RUNX2: variants seen among roughly 807,000 people sequenced by gnomAD.
RUNX2 encodes the protein RUNX family transcription factor 2.
RUNX2 carries 10 observed loss-of-function variants against 51.7 expected under a neutral mutation model. That is an observed-to-expected ratio of 0.19 (90% CI 0.12 to 0.33). The LOEUF (loss-of-function observed/expected upper bound fraction) is 0.33, where lower values mean the gene tolerates loss of function less well. Ranked by LOEUF, RUNX2 falls within the 10% of genes least tolerant of loss-of-function variation. The pLI is 1.00. For synonymous variants in RUNX2, 276 were observed against 273.6 expected (o/e 1.01, Z -0.09); for missense variants, 562 against 691.3 (o/e 0.81, Z 2.10).
intron 6 of RUNX2, among the ~76,000 whole-genome samples, 161 bp from the exon 7 acceptor site, chr6:45,512,085 G>T (rs1278468429): frequency 6.6e-6 from 1 of 151,988 alleles, no homozygotes; most frequent in Admixed American, 6.6e-5. Flanking sequence ...AAAGGATGGG[G>T]TTATAAGAGA....
At chr6:45,522,630 C>T (rs561294807) in intron 7 of RUNX2, among the ~76,000 whole-genome samples, 1 of 152,358 alleles carries the variant, frequency 6.6e-6, no homozygotes, top group African/African-American at 2.4e-5. Flanking sequence ...GGGGCCTAGT[C>T]TTCTAATCCT....
At chr6:45,359,673 C>T (rs1793890666) in intron 2 of RUNX2, among the ~76,000 whole-genome samples, 1 of 152,096 alleles carries the variant, frequency 6.6e-6, no homozygotes, top group Admixed American at 6.6e-5. Flanking sequence ...AGTATACTTT[C>T]TTTTGGTTAC....
intron 2 of RUNX2, among the ~76,000 whole-genome samples, chr6:45,404,177 T>C (rs1218780357): frequency 2.0e-5 from 3 of 146,536 alleles, no homozygotes; most frequent in African/African-American, 7.6e-5. Flanking sequence ...GGTGAATTGC[T>C]TGGAACCAGG....
intron 2 of RUNX2, among the ~76,000 whole-genome samples, chr6:45,363,159 A>C (rs1794556742): frequency 6.6e-6 from 1 of 152,152 alleles, no homozygotes. Context: ...GCAAATACTC[A>C]ACTCTGGCAC....
intron 2 of RUNX2, among the ~76,000 whole-genome samples, chr6:45,389,634 G>C (rs751546354): frequency 1.3e-5 from 2 of 152,176 alleles, no homozygotes; most frequent in Non-Finnish European, 2.9e-5. Context: ...ATCCAAGACA[G>C]CAAGCCTTAA....
intron 7 of RUNX2, among the ~76,000 whole-genome samples, chr6:45,535,698 T>G (rs141593593): frequency 3.3e-5 from 5 of 151,980 alleles, no homozygotes; most frequent in East Asian, 1.9e-4. Flanking sequence ...AGCAGGAATA[T>G]ATGAAGAAGC....
At chr6:45,504,746 C>T (rs1800907442) in intron 6 of RUNX2, among the ~76,000 whole-genome samples, 1 of 152,150 alleles carries the variant, frequency 6.6e-6, no homozygotes, top group African/African-American at 2.4e-5. Flanking sequence ...GGCAAATCTG[C>T]TCCTCTGTGT....
chr6:45,409,759 T>C (rs1797911078), intron 2 of RUNX2, among the ~76,000 whole-genome samples: 1 of 152,228 alleles, frequency 6.6e-6, no homozygotes, highest in African/African-American at 2.4e-5. Context: ...TAGGTTTATT[T>C]ATTCAGTGAT....
chr6:45,472,860 G>A (rs1216362335), intron 5 of RUNX2, among the ~76,000 whole-genome samples: 1 of 152,166 alleles, frequency 6.6e-6, no homozygotes, highest in African/African-American at 2.4e-5. Flanking sequence ...GAGGAAAAGG[G>A]TATCTTTCTG....
At chr6:45,529,178 G>A (rs747040076) in intron 7 of RUNX2, among the ~76,000 whole-genome samples, 22 of 152,302 alleles carry the variant, frequency 1.4e-4, no homozygotes, top group Non-Finnish European at 2.4e-4. Context: ...ATGTAATGAA[G>A]TTCCATTTCT....
chr6:45,505,643 C>T (rs1400496668), intron 6 of RUNX2, among the ~76,000 whole-genome samples: 1 of 152,034 alleles, frequency 6.6e-6, no homozygotes, highest in Non-Finnish European at 1.5e-5. Flanking sequence ...CCATTTTTGC[C>T]TGATGAAAGG....
At chr6:45,338,876 C>T (rs1328335311) in intron 2 of RUNX2, among the ~76,000 whole-genome samples, 1 of 152,044 alleles carries the variant, frequency 6.6e-6, no homozygotes, top group Non-Finnish European at 1.5e-5. Context: ...AGACAGCCTC[C>T]TTAAATTTTG....
At chr6:45,508,623 C>T (rs1206886397) in intron 6 of RUNX2, among the ~76,000 whole-genome samples, 2 of 152,150 alleles carry the variant, frequency 1.3e-5, no homozygotes, top group African/African-American at 2.4e-5. Context: ...CTAGCCTATC[C>T]TCTGAGAGAC....
At chr6:45,365,676 A>T (rs1795012143) in intron 2 of RUNX2, among the ~76,000 whole-genome samples, 1 of 148,394 alleles carries the variant, frequency 6.7e-6, no homozygotes, top group Non-Finnish European at 1.5e-5. Context: ...GATGGACCCC[A>T]AGCACAACAC....
At chr6:45,461,463 A>G (rs1057422144) in intron 5 of RUNX2, among the ~76,000 whole-genome samples, 1 of 152,256 alleles carries the variant, frequency 6.6e-6, no homozygotes, top group African/African-American at 2.4e-5. Flanking sequence ...AAGTACTCGC[A>G]CAACCCCAGT....
At chr6:45,450,148 T>G (rs1456955832) in intron 5 of RUNX2, among the ~76,000 whole-genome samples, 6 of 152,156 alleles carry the variant, frequency 3.9e-5, no homozygotes, top group Non-Finnish European at 8.8e-5. Context: ...TGAGGATAAT[T>G]GCTGTAAGGA....
At chr6:45,494,530 G>A (rs1800582358) in intron 6 of RUNX2, among the ~76,000 whole-genome samples, 1 of 151,786 alleles carries the variant, frequency 6.6e-6, no homozygotes, top group Non-Finnish European at 1.5e-5. Flanking sequence ...ACATCCACTA[G>A]GTATTGGACC....
intron 2 of RUNX2, among the ~76,000 whole-genome samples, chr6:45,340,272 G>T (rs1415475467): frequency 6.6e-6 from 1 of 152,042 alleles, no homozygotes; most frequent in Non-Finnish European, 1.5e-5. Context: ...GAACCAAAGA[G>T]ATTAAGAAAA....
At chr6:45,414,074 A>T (rs997680103) in intron 2 of RUNX2, among the ~76,000 whole-genome samples, 1 of 152,256 alleles carries the variant, frequency 6.6e-6, no homozygotes, top group Non-Finnish European at 1.5e-5. Context: ...CCACACCTGC[A>T]TAACTCTTCT....
Sources: gnomAD v4.1 joint callset for allele counts (sites outside exome capture counted in the v4.1 genomes callset) on GRCh38, gnomAD v4.1.1 for gene constraint, MANE v1.5 for transcripts, NCBI Gene and HGNC (gene_info 2026-07-23, HGNC 2026-07-21) for gene names.